DCC: variants seen among roughly 807,000 people sequenced by gnomAD.
DCC encodes the protein DCC netrin 1 receptor, also known as netrin receptor DCC.
In DCC, 58 loss-of-function variants were observed where a neutral mutation model predicts 172.5. The ratio of observed to expected loss-of-function variants is 0.34; its 90% CI spans 0.27 to 0.42. DCC has a LOEUF of 0.42. Ranked by LOEUF, DCC falls within the 10% of genes least tolerant of loss-of-function variation. The probability of loss-of-function intolerance (pLI) is 1.00; values close to 1 mark genes in which losing one functional copy is unlikely to be tolerated. For missense variants in DCC, 1,740 were observed against 1,791.0 expected (o/e 0.97, Z 0.51); for synonymous variants, 709 against 644.5 (o/e 1.10, Z -1.52).
intron 5 of DCC, among the ~76,000 whole-genome samples, chr18:52,986,220 A>T (rs2041290477): frequency 6.6e-6 from 1 of 152,176 alleles, no homozygotes; most frequent in South Asian, 2.1e-4. Context: ...AGCTTACAGA[A>T]TGAGAATGAC....
intron 1 of DCC, among the ~76,000 whole-genome samples, chr18:52,411,675 CT>C (rs1432237838): frequency 6.6e-6 from 1 of 152,174 alleles, no homozygotes; most frequent in African/African-American, 2.4e-5. Context: ...CAGTGTCAGA[CT>C]GCCTAGTTTT....
chr18:52,842,105 C>T (rs2038817129), intron 2 of DCC, among the ~76,000 whole-genome samples: 1 of 151,924 alleles, frequency 6.6e-6, no homozygotes, highest in Admixed American at 6.6e-5. Context: ...ATCAAATTAT[C>T]AAAACTTATC....
intron 12 of DCC, among the ~76,000 whole-genome samples, chr18:53,226,505 G>C (rs1350953806): frequency 6.6e-6 from 1 of 152,124 alleles, no homozygotes; most frequent in Non-Finnish European, 1.5e-5. Flanking sequence ...GTTTTTAAGA[G>C]AGCACAACTG....
intron 2 of DCC, among the ~76,000 whole-genome samples, chr18:52,810,403 A>G (rs1298998350): frequency 6.6e-6 from 1 of 152,202 alleles, no homozygotes; most frequent in Non-Finnish European, 1.5e-5. Context: ...CAGCTCACCT[A>G]TGTTATAGCT....
intron 2 of DCC, among the ~76,000 whole-genome samples, chr18:52,795,189 T>G (rs73455822): frequency 0.021 from 3,134 of 152,152 alleles, 99 homozygotes; most frequent in African/African-American, 0.071. Flanking sequence ...TTTGTAATAG[T>G]TTGAGAATAA....
chr18:52,390,585 C>A (rs1212425472), intron 1 of DCC, among the ~76,000 whole-genome samples: 1 of 152,052 alleles, frequency 6.6e-6, no homozygotes, highest in East Asian at 1.9e-4. Flanking sequence ...TGGCTTCCAC[C>A]TTTTATGCTA....
At chr18:52,586,859 G>C (rs929207934) in intron 1 of DCC, among the ~76,000 whole-genome samples, 1 of 152,140 alleles carries the variant, frequency 6.6e-6, no homozygotes, top group Non-Finnish European at 1.5e-5. Flanking sequence ...TATCAGTCCA[G>C]CTCCTTCAGG....
At chr18:52,501,649 C>G (rs1264828611) in intron 1 of DCC, among the ~76,000 whole-genome samples, 1 of 152,100 alleles carries the variant, frequency 6.6e-6, no homozygotes, top group African/African-American at 2.4e-5. Context: ...TTGGAGAACG[C>G]TACCTGAGAA....
chr18:53,252,250 T>C (rs1333361978), intron 12 of DCC, among the ~76,000 whole-genome samples: 1 of 151,924 alleles, frequency 6.6e-6, no homozygotes, highest in Non-Finnish European at 1.5e-5. Flanking sequence ...CATGTGCTCA[T>C]TTACATACTG....
chr18:52,800,060 T>G (rs1390018446), intron 2 of DCC, among the ~76,000 whole-genome samples: 1 of 152,218 alleles, frequency 6.6e-6, no homozygotes, highest in East Asian at 1.9e-4. Flanking sequence ...AAATAATTTT[T>G]CTAAATTATA....
intron 1 of DCC, among the ~76,000 whole-genome samples, chr18:52,624,364 G>T (rs2034533970): frequency 6.6e-6 from 1 of 152,104 alleles, no homozygotes; most frequent in Non-Finnish European, 1.5e-5. Flanking sequence ...TACTCAGAAT[G>T]GAAAGACTCA....
chr18:52,817,677 G>A (rs1265365874), intron 2 of DCC, among the ~76,000 whole-genome samples: 1 of 151,974 alleles, frequency 6.6e-6, no homozygotes, highest in Non-Finnish European at 1.5e-5. Context: ...TGCCTAATGT[G>A]TATGTACACG....
chr18:52,443,954 G>A (rs554005635), intron 1 of DCC, among the ~76,000 whole-genome samples: 6 of 152,202 alleles, frequency 3.9e-5, no homozygotes, highest in Non-Finnish European at 7.3e-5. Flanking sequence ...TTGGAGGAAT[G>A]AAAGAGATAA....
intron 13 of DCC, among the ~76,000 whole-genome samples, chr18:53,308,393 C>T (rs138335814): frequency 0.011 from 1,652 of 151,998 alleles, 20 homozygotes; most frequent in Admixed American, 0.025. Flanking sequence ...GTGAATATTG[C>T]TTACTTTGTA....
In DCC at chr18:52,927,096, CGT is replaced by C. The variant is rs2040222147; in HGVS notation, c.985+1729_985+1730del. Among the ~76,000 whole-genome samples the C allele has an allele frequency of 3.8e-5, 4 of 105,244 alleles. 1 individual carries two copies. Among genetic ancestry groups the C allele is most frequent in the African/African-American group, 1.1e-4 (3 of 26,604 alleles). 69.0% of individuals were successfully genotyped at this position (105,244 alleles called of 152,430 possible). A position where few individuals can be genotyped will look rare whatever the true frequency, so the allele number is the denominator to read the frequency against. Reference sequence around the variant, plus strand: ...ATATATGTGTATATACACGTATATACGTGTATATACACGTATATACGTGTATA... The same window carrying C: ...ATATATGTGTATATACACGTATATACGTATATACACGTATATACGTGTATA... On this transcript the variant is annotated intron_variant, in intron 5 of 28. Coordinates refer to ENST00000442544, the MANE Select transcript of DCC (RefSeq NM_005215.4).
chr18:53,405,118 C>T (rs1403030560), intron 19 of DCC, among the ~76,000 whole-genome samples: 1 of 150,682 alleles, frequency 6.6e-6, no homozygotes, highest in Non-Finnish European at 1.5e-5. Context: ...CAAAATACTA[C>T]ACCACTAAGC....
intron 1 of DCC, among the ~76,000 whole-genome samples, chr18:52,377,399 A>G (rs974346657): frequency 2.0e-5 from 3 of 152,192 alleles, no homozygotes; most frequent in Non-Finnish European, 1.5e-5. Context: ...ACAGGTTAAT[A>G]TTCCCTTAAG....
At chr18:53,341,294 G>A (rs920689709) in intron 15 of DCC, among the ~76,000 whole-genome samples, 1 of 152,150 alleles carries the variant, frequency 6.6e-6, no homozygotes, top group African/African-American at 2.4e-5. Flanking sequence ...GAAGTCAGGA[G>A]GGAAACTGCA....
chr18:53,061,259 A>G lies in DCC; in HGVS notation c.986-2046A>G, dbSNP rs377293754. On this transcript the variant is annotated intron_variant, in intron 5 of 28. Transcript: ENST00000442544. Reference sequence around the variant, plus strand: ...AAACTTCTCTTTTCTCTTCTTCAATATAAATTTGGTGTTCTCTTCTCTCCC... The same window carrying G: ...AAACTTCTCTTTTCTCTTCTTCAATGTAAATTTGGTGTTCTCTTCTCTCCC... Among the ~76,000 whole-genome samples the G allele has an allele frequency of 9.1e-4, 138 of 152,144 alleles. 3 individuals carry two copies. The South Asian group carries it at 0.027, about 30-fold the overall frequency.
Sources: allele counts gnomAD v4.1 joint callset (sites outside exome capture counted in the v4.1 genomes callset), GRCh38; gene constraint gnomAD v4.1.1; transcripts MANE v1.5; gene names NCBI Gene and HGNC (gene_info 2026-07-23, HGNC 2026-07-21).